The following SLC25A21 variants were observed in gnomAD, a reference collection of about 807,000 sequenced individuals.
SLC25A21 encodes solute carrier family 25 member 21, also known as mitochondrial 2-oxodicarboxylate carrier.
A neutral mutation model predicts 43.8 loss-of-function variants in SLC25A21; 47 were observed. The ratio of observed to expected loss-of-function variants is 1.07; its 90% CI spans 0.85 to 1.37. The LOEUF (loss-of-function observed/expected upper bound fraction) is 1.37. Among genes scored for constraint, SLC25A21 ranks in the 40% most tolerant of loss-of-function variants. The pLI, the probability that SLC25A21 is intolerant of heterozygous loss-of-function variation, is 0.00. For synonymous variants in SLC25A21, 131 were observed against 121.3 expected (o/e 1.08, Z -0.52); for missense variants, 352 against 350.2 (o/e 1.00, Z -0.04).
At chr14:36,776,421 G>A (rs909664019) in intron 3 of SLC25A21, among the ~76,000 whole-genome samples, 3 of 151,098 alleles carry the variant, frequency 2.0e-5, no homozygotes, top group Admixed American at 2.0e-4. Context: ...TGTATTTTTA[G>A]TAGAAACGGG....
intron 3 of SLC25A21, among the ~76,000 whole-genome samples, chr14:36,805,999 G>C (rs1354340504): frequency 6.6e-6 from 1 of 152,064 alleles, no homozygotes; most frequent in African/African-American, 2.4e-5. Flanking sequence ...TGGATCATTT[G>C]AGGTCAGGAG....
chr14:36,901,155 C>G (rs867629714), intron 1 of SLC25A21, among the ~76,000 whole-genome samples: 2 of 152,040 alleles, frequency 1.3e-5, no homozygotes, highest in South Asian at 4.1e-4. Flanking sequence ...AGAGCAGAGA[C>G]CGATAAGAAA....
At chr14:37,148,609 A>C (rs1963707775) in intron 1 of SLC25A21, among the ~76,000 whole-genome samples, 1 of 152,242 alleles carries the variant, frequency 6.6e-6, no homozygotes, top group South Asian at 2.1e-4. Flanking sequence ...ATATATAAGC[A>C]AAACAGGTCT....
intron 1 of SLC25A21, among the ~76,000 whole-genome samples, chr14:36,962,503 C>T (rs928167543): frequency 1.3e-5 from 2 of 152,116 alleles, no homozygotes; most frequent in African/African-American, 4.8e-5. Flanking sequence ...ACCCCATAGC[C>T]CCACCCCTGG....
chr14:37,067,658 A>C (rs1962089081), intron 1 of SLC25A21, among the ~76,000 whole-genome samples: 2 of 152,320 alleles, frequency 1.3e-5, no homozygotes, highest in South Asian at 4.1e-4. Context: ...AAAAGTATGG[A>C]GGCAGAAAAT....
chr14:36,702,475 C>CA (rs1213350246), intron 7 of SLC25A21, among the ~76,000 whole-genome samples: 5,716 of 66,222 alleles, frequency 0.086, 365 homozygotes, highest in South Asian at 0.11. Context: ...CCTGTCTCCA[C>CA]AAAAAAAAAA....
At chr14:37,116,118 T>C (rs1465485219) in intron 1 of SLC25A21, among the ~76,000 whole-genome samples, 1 of 152,160 alleles carries the variant, frequency 6.6e-6, no homozygotes, top group Non-Finnish European at 1.5e-5. Context: ...TAAAACTTAC[T>C]AAGCAAGAAT....
intron 1 of SLC25A21, among the ~76,000 whole-genome samples, chr14:36,996,258 T>C (rs1013932794): frequency 1.3e-5 from 2 of 152,330 alleles, no homozygotes; most frequent in South Asian, 4.1e-4. Flanking sequence ...CTTCATTATC[T>C]TAGTTCTCTG....
chr14:36,883,484 A>G (rs1426785460), intron 1 of SLC25A21, among the ~76,000 whole-genome samples: 12 of 152,162 alleles, frequency 7.9e-5, no homozygotes, highest in South Asian at 6.2e-4. Context: ...AGTGTGTACC[A>G]ACTTCTAACA....
At chr14:36,960,972 G>C (rs1959476318) in intron 1 of SLC25A21, among the ~76,000 whole-genome samples, 1 of 152,162 alleles carries the variant, frequency 6.6e-6, no homozygotes, top group South Asian at 2.1e-4. Context: ...CAGTCATGCT[G>C]TCCCCACTGT....
intron 2 of SLC25A21, among the ~76,000 whole-genome samples, chr14:36,855,833 C>G (rs2138522787): frequency 6.6e-6 from 1 of 152,278 alleles, no homozygotes; most frequent in East Asian, 1.9e-4. Context: ...TCGAACAGTT[C>G]CTTCCCTTAA....
rs550932143 is a variant in SLC25A21, at chr14:36,981,330, A to G, written c.71-106326T>C. Among the ~76,000 whole-genome samples, 4 of 152,306 alleles carry G rather than the reference A, an allele frequency of 2.6e-5. No individual in the cohort carries two copies. In the South Asian group the frequency reaches 8.3e-4, roughly 32 times the overall value. On this transcript the variant is annotated intron_variant, in intron 1 of 9. Transcript: ENST00000331299. ...AAATATCATTTGACCCAGCCATACC[A>G]TTACTTGGTCTATACCCAGAGGATT...
intron 1 of SLC25A21, among the ~76,000 whole-genome samples, chr14:37,162,016 T>C (rs1016329746): frequency 2.6e-5 from 3 of 114,846 alleles, no homozygotes; most frequent in Non-Finnish European, 3.8e-5. Flanking sequence ...ATTAAAAAGA[T>C]AGGGAGAGAA....
At chr14:37,075,099 A>C (rs1015513186) in intron 1 of SLC25A21, among the ~76,000 whole-genome samples, 1 of 152,234 alleles carries the variant, frequency 6.6e-6, no homozygotes, top group East Asian at 1.9e-4. Flanking sequence ...TTTGCAACCC[A>C]GTAAAAACTG....
intron 1 of SLC25A21, among the ~76,000 whole-genome samples, chr14:37,003,396 C>G (rs1218914474): frequency 6.6e-6 from 1 of 152,028 alleles, no homozygotes; most frequent in Non-Finnish European, 1.5e-5. Flanking sequence ...TGGAATTTTC[C>G]ACTTAATATT....
intron 2 of SLC25A21, among the ~76,000 whole-genome samples, chr14:36,848,110 C>T (rs2138510425): frequency 6.6e-6 from 1 of 152,108 alleles, no homozygotes; most frequent in South Asian, 2.1e-4. Flanking sequence ...AGAAAAACAC[C>T]ACGAATTGGG....
intron 1 of SLC25A21, among the ~76,000 whole-genome samples, chr14:37,129,095 C>T (rs1963348987): frequency 1.3e-5 from 2 of 152,116 alleles, no homozygotes; most frequent in East Asian, 1.9e-4. Context: ...TGATGCAGGA[C>T]GTTTCCATCA....
chr14:36,752,358 C>G (rs537457499), intron 3 of SLC25A21, among the ~76,000 whole-genome samples: 1 of 152,284 alleles, frequency 6.6e-6, no homozygotes, highest in South Asian at 2.1e-4. Flanking sequence ...AGAAATCAAA[C>G]ATAGATTTAC....
At chr14:36,952,184 T>C (rs1260134337) in intron 1 of SLC25A21, 4 of 152,824 alleles carry the variant, frequency 2.6e-5, no homozygotes, top group African/African-American at 9.7e-5. Flanking sequence ...TGAGCCGAGA[T>C]TGCGCCACTG....
Sources: gnomAD v4.1 joint callset for allele counts (sites outside exome capture counted in the v4.1 genomes callset) on GRCh38, gnomAD v4.1.1 for gene constraint, MANE v1.5 for transcripts, NCBI Gene and HGNC (gene_info 2026-07-23, HGNC 2026-07-21) for gene names.